Variants in RYK observed in about 807,000 individuals in gnomAD.
RYK encodes the protein inactive tyrosine-protein kinase RYK.
RYK carries 21 observed loss-of-function variants against 70.2 expected under a neutral mutation model. That is an observed-to-expected ratio of 0.30 (90% CI 0.21 to 0.43). The LOEUF (loss-of-function observed/expected upper bound fraction) is 0.43. Among genes scored for constraint, RYK ranks in the 20% least tolerant of loss-of-function variants. The pLI is 1.00. For missense variants in RYK, 604 were observed against 753.3 expected (o/e 0.80, Z 2.32); for synonymous variants, 267 against 278.0 (o/e 0.96, Z 0.39).
At chr3:134,164,680 C>G (rs1358997430) in intron 13 of RYK, among the ~76,000 whole-genome samples, 1 of 152,218 alleles carries the variant, frequency 6.6e-6, no homozygotes, top group African/African-American at 2.4e-5. Context: ...TATGTTCAGC[C>G]TTAGCTATTA....
intron 1 of RYK, among the ~76,000 whole-genome samples, chr3:134,243,568 C>T (rs1559768578): frequency 6.6e-6 from 1 of 152,150 alleles, no homozygotes; most frequent in Non-Finnish European, 1.5e-5. Flanking sequence ...CTGTGGCGCT[C>T]CATGGCTTTG....
At chr3:134,187,807 G>T (rs2013516391) in intron 9 of RYK, among the ~76,000 whole-genome samples, 2 of 148,588 alleles carry the variant, frequency 1.3e-5, no homozygotes, top group African/African-American at 5.0e-5. Context: ...CAATCCTCCT[G>T]CCTTAGCCTC....
chr3:134,222,919 G>A (rs1263144488), intron 1 of RYK, among the ~76,000 whole-genome samples: 1 of 152,166 alleles, frequency 6.6e-6, no homozygotes, highest in Non-Finnish European at 1.5e-5. Context: ...ACTTAGGAAG[G>A]GAGATTCAAA....
At chr3:134,194,972 T>G in intron 7 of RYK, 110 bp downstream of exon 7, 1 of 740,940 alleles carries the variant, frequency 1.3e-6, no homozygotes, top group Non-Finnish European at 2.3e-6. Context: ...TTGCATACTT[T>G]AGATACGATT....
chr3:134,207,643 T>C, intron 4 of RYK, 118 bp from the exon 5 acceptor site: 1 of 630,114 alleles, frequency 1.6e-6, no homozygotes, highest in Middle Eastern at 4.3e-4. Flanking sequence ...TGCGAGATAA[T>C]GAAAGCTATG....
intron 6 of RYK, among the ~76,000 whole-genome samples, chr3:134,201,190 A>T (rs2014004694): frequency 6.6e-6 from 1 of 152,206 alleles, no homozygotes; most frequent in South Asian, 2.1e-4. Flanking sequence ...TAACTTCACC[A>T]CCATCATGTA....
At chr3:134,213,563 T>C (rs1208978795) in intron 2 of RYK, among the ~76,000 whole-genome samples, 2 of 152,116 alleles carry the variant, frequency 1.3e-5, no homozygotes, top group Admixed American at 1.3e-4. Context: ...TTTTTCCCCA[T>C]TCTGAGAACC....
At chr3:134,163,531 A>G (rs2012552305) in intron 13 of RYK, among the ~76,000 whole-genome samples, 2 of 152,204 alleles carry the variant, frequency 1.3e-5, no homozygotes, top group African/African-American at 4.8e-5. Context: ...GCTTCTATAT[A>G]TAAGATGTAA....
intron 1 of RYK, among the ~76,000 whole-genome samples, chr3:134,231,235 G>C (rs1270248342): frequency 1.3e-5 from 2 of 150,074 alleles, no homozygotes; most frequent in Non-Finnish European, 3.0e-5. Context: ...ACGTCCTCAA[G>C]TCATACATGC....
chr3:134,209,940 C>A, intron 3 of RYK, 111 bp from the exon 4 acceptor site: 1 of 856,066 alleles, frequency 1.2e-6, no homozygotes, highest in South Asian at 1.9e-5. Context: ...TGCAAGAAAA[C>A]TAAAAGTAAT....
chr3:134,208,648 T>C (rs562298782), intron 4 of RYK, among the ~76,000 whole-genome samples: 1 of 152,300 alleles, frequency 6.6e-6, no homozygotes, highest in African/African-American at 2.4e-5. Context: ...GCCTTAGGTG[T>C]TTTCATAACA....
chr3:134,164,567 G>A (rs543344877), intron 13 of RYK, among the ~76,000 whole-genome samples: 5 of 152,284 alleles, frequency 3.3e-5, no homozygotes, highest in East Asian at 3.9e-4. Flanking sequence ...AGATTCATCT[G>A]TGATGTAGCA....
At chr3:134,193,998 T>A (rs1307315487) in intron 7 of RYK, among the ~76,000 whole-genome samples, 1 of 152,218 alleles carries the variant, frequency 6.6e-6, no homozygotes, top group African/African-American at 2.4e-5. Flanking sequence ...AGTTCATCAG[T>A]GTATTCAGGT....
chr3:134,250,367 G>A (rs1399617166), intron 1 of RYK, 56 bp downstream of exon 1: 2 of 1,173,466 alleles, frequency 1.7e-6, no homozygotes, highest in African/African-American at 1.6e-5. Context: ...GCCGGCGGCC[G>A]GAAGCTGCCC....
intron 1 of RYK, among the ~76,000 whole-genome samples, chr3:134,248,508 T>G (rs996300628): frequency 6.6e-6 from 1 of 152,188 alleles, no homozygotes; most frequent in Non-Finnish European, 1.5e-5. Context: ...ATGTCAACAC[T>G]GTTTCATTTT....
intron 5 of RYK, among the ~76,000 whole-genome samples, chr3:134,203,139 G>C (rs959466409): frequency 1.3e-5 from 2 of 152,190 alleles, no homozygotes; most frequent in African/African-American, 4.8e-5. Context: ...CTTGAGGTCA[G>C]GAGTTTGAGA....
intron 2 of RYK, among the ~76,000 whole-genome samples, chr3:134,212,544 A>G (rs2014433318): frequency 6.6e-6 from 1 of 152,210 alleles, no homozygotes; most frequent in Non-Finnish European, 1.5e-5. Flanking sequence ...GGTTGGGAAA[A>G]GAGTGAGAAG....
intron 1 of RYK, among the ~76,000 whole-genome samples, chr3:134,231,579 G>A (rs1032394966): frequency 3.9e-5 from 6 of 152,094 alleles, no homozygotes; most frequent in Admixed American, 2.0e-4. Context: ...CACCCTGGCC[G>A]TCCACCCCTT....
At chr3:134,175,018 C>A (rs116659479) in intron 13 of RYK, among the ~76,000 whole-genome samples, 1,612 of 152,296 alleles carry the variant, frequency 0.011, 34 homozygotes, top group African/African-American at 0.037. Flanking sequence ...AACTGGGATA[C>A]CACAGCCTAT....
Sources: allele counts gnomAD v4.1 joint callset (sites outside exome capture counted in the v4.1 genomes callset), GRCh38; gene constraint gnomAD v4.1.1; transcripts MANE v1.5; gene names NCBI Gene and HGNC (gene_info 2026-07-23, HGNC 2026-07-21).